The following SLC25A48 variants were observed in gnomAD, a reference collection of about 807,000 sequenced individuals.
SLC25A48 encodes solute carrier family 25 member 48.
In SLC25A48, 29 loss-of-function variants were observed where a neutral mutation model predicts 32.2. That is an observed-to-expected ratio of 0.90 (90% CI 0.67 to 1.23). The LOEUF (loss-of-function observed/expected upper bound fraction) is 1.23, where lower values mean the gene tolerates loss of function less well. Ranked by LOEUF, SLC25A48 falls within the 50% of genes most tolerant of loss-of-function variation. SLC25A48 has a pLI of 0.00. For missense variants in SLC25A48, 399 were observed against 422.7 expected, an observed-to-expected ratio of 0.94 and a Z score of 0.49; for synonymous variants, 164 against 172.3, an observed-to-expected ratio of 0.95 and a Z score of 0.38.
intron 3 of SLC25A48, among the ~76,000 whole-genome samples, chr5:135,646,938 A>G (rs1038999982): frequency 6.6e-6 from 1 of 151,706 alleles, no homozygotes; most frequent in African/African-American, 2.4e-5. Flanking sequence ...TTGAAATATT[A>G]TATTATATGA....
In SLC25A48 at chr5:135,871,486, A is replaced by C. The variant is rs1469244538; in HGVS notation, c.447A>C (p.Ala149=). 3 of 1,602,020 alleles carry C rather than the reference A, an allele frequency of 1.9e-6. No individual in the cohort carries two copies. In the East Asian group the frequency reaches 6.7e-5, roughly 36 times the overall value. The part of the protein sequence containing the change: ...RDANLGLKSR[A]VAPAEQPAYQ... ...CCAACCTCGGTTTGAAGTCCAGGGC[A>C]GTGGCTCCTGCGGAGCAGCCAGCAT... Residue 149 remains alanine (A), a synonymous_variant, in exon 5 of 8, where the codon GCA becomes GCC. Coordinates refer to ENST00000681962, the MANE Select transcript of SLC25A48 (RefSeq NM_001349336.2).
chr5:135,883,018 G>A, intron 7 of SLC25A48: 1 of 984,956 alleles, frequency 1.0e-6, no homozygotes, highest in Non-Finnish European at 1.2e-6. Flanking sequence ...AAGATTTCAA[G>A]ACTCCCGTTA....
At chr5:135,742,272 G>A (rs1188011920) in intron 3 of SLC25A48, among the ~76,000 whole-genome samples, 1 of 152,172 alleles carries the variant, frequency 6.6e-6, no homozygotes, top group Non-Finnish European at 1.5e-5. Flanking sequence ...GTAGAGACAG[G>A]ATTTTGCCAT....
At chr5:135,748,419 C>A (rs1755693053) in intron 3 of SLC25A48, among the ~76,000 whole-genome samples, 1 of 151,754 alleles carries the variant, frequency 6.6e-6, no homozygotes, top group East Asian at 2.0e-4. Context: ...GACTCAGGTG[C>A]CTGCCACCAC....
At chr5:135,683,920 G>A (rs1561789346) in intron 3 of SLC25A48, among the ~76,000 whole-genome samples, 1 of 152,084 alleles carries the variant, frequency 6.6e-6, no homozygotes, top group Non-Finnish European at 1.5e-5. Flanking sequence ...AGTGTCAGCA[G>A]GCCATGTGGT....
chr5:135,774,511 A>G (rs573826386), intron 3 of SLC25A48, among the ~76,000 whole-genome samples: 1 of 151,696 alleles, frequency 6.6e-6, no homozygotes, highest in Admixed American at 6.6e-5. Context: ...GGGCATGCAC[A>G]TGCCCCCTGT....
intron 4 of SLC25A48, among the ~76,000 whole-genome samples, chr5:135,853,162 A>G (rs1760033325): frequency 6.6e-6 from 1 of 152,230 alleles, no homozygotes; most frequent in African/African-American, 2.4e-5. Context: ...AATTATTGAC[A>G]ATTATCTGAG....
intron 3 of SLC25A48, among the ~76,000 whole-genome samples, chr5:135,760,117 C>T (rs1326813960): frequency 6.6e-6 from 1 of 152,164 alleles, no homozygotes; most frequent in Non-Finnish European, 1.5e-5. Context: ...AGCTGTGAGC[C>T]ACCGCGCCCG....
intron 4 of SLC25A48, chr5:135,825,941 A>G (rs4976479): frequency 0.36 from 54,613 of 152,038 alleles, 9,885 homozygotes; most frequent in Middle Eastern, 0.45. Context: ...GCTGACTGCA[A>G]CAGAAACCAC....
intron 4 of SLC25A48, among the ~76,000 whole-genome samples, chr5:135,856,575 G>C (rs1220657051): frequency 1.3e-5 from 2 of 152,246 alleles, no homozygotes; most frequent in Non-Finnish European, 2.9e-5. Context: ...CCCCAAGGCT[G>C]TGTGTCACAT....
At chr5:135,802,911 A>G (rs1426339016) in intron 3 of SLC25A48, 1 of 151,566 alleles carries the variant, frequency 6.6e-6, no homozygotes, top group Non-Finnish European at 1.5e-5. Context: ...ATTACTCCTA[A>G]TATCACAGTG....
chr5:135,631,332 G>A (rs1306900559), intron 2 of SLC25A48, among the ~76,000 whole-genome samples: 1 of 152,182 alleles, frequency 6.6e-6, no homozygotes, highest in Non-Finnish European at 1.5e-5. Flanking sequence ...GGACTGATGT[G>A]TTTCCTGGGA....
intron 3 of SLC25A48, among the ~76,000 whole-genome samples, chr5:135,693,152 T>A (rs1754183958): frequency 6.6e-6 from 1 of 152,260 alleles, no homozygotes; most frequent in African/African-American, 2.4e-5. Flanking sequence ...TTTTTAAAAA[T>A]TTAAACTGTC....
In SLC25A48 at chr5:135,880,022, G is replaced by C; in HGVS notation, c.868G>C (p.Ala290Pro). ...NAVRGFPMSA[A>P]MFLGYELSLQ... The stretch of plus-strand genomic sequence containing the variant: ...GGTGCGGGGCTTCCCCATGAGTGCG[G>C]CCATGTTCCTTGGGTACGAGCTGTC... The change falls in exon 7 of 8, where the codon GCC becomes CCC. Residue 290 changes from alanine to proline, a missense_variant. Ala to Pro is a conservative substitution (Grantham distance 27, BLOSUM62 -1). Transcript: ENST00000681962. 6.5e-7 allele frequency: 1 copy of C among 1,536,338 alleles called. No homozygotes were observed. The highest frequency in any genetic ancestry group is 8.7e-7 in the Non-Finnish European group (1 of 1,146,960).
chr5:135,660,444 C>T (rs1753370695), intron 3 of SLC25A48, among the ~76,000 whole-genome samples: 1 of 152,180 alleles, frequency 6.6e-6, no homozygotes, highest in Non-Finnish European at 1.5e-5. Flanking sequence ...CTTTATTCCT[C>T]ACTAGTGTCC....
intron 3 of SLC25A48, among the ~76,000 whole-genome samples, chr5:135,730,774 C>A (rs1755202895): frequency 6.6e-6 from 1 of 152,120 alleles, no homozygotes; most frequent in Admixed American, 6.5e-5. Flanking sequence ...ACAAGAAATC[C>A]AGGCTGAGGT....
At chr5:135,618,523 T>A (rs1752242312) in intron 1 of SLC25A48, among the ~76,000 whole-genome samples, 1 of 152,142 alleles carries the variant, frequency 6.6e-6, no homozygotes, top group African/African-American at 2.4e-5. Context: ...ATCATTGTGG[T>A]TTGATGGTGT....
At chr5:135,750,703 G>A (rs1755750462) in intron 3 of SLC25A48, among the ~76,000 whole-genome samples, 1 of 152,104 alleles carries the variant, frequency 6.6e-6, no homozygotes, top group African/African-American at 2.4e-5. Flanking sequence ...GCCCCCAGGT[G>A]GTAGACTGGT....
At chr5:135,612,366 A>G (rs543160429) in intron 1 of SLC25A48, among the ~76,000 whole-genome samples, 11 of 152,130 alleles carry the variant, frequency 7.2e-5, no homozygotes, top group Non-Finnish European at 1.0e-4. Context: ...CGTCTTGAGG[A>G]TTTATCATTT....
Sources: allele counts gnomAD v4.1 joint callset (sites outside exome capture counted in the v4.1 genomes callset), GRCh38; gene constraint gnomAD v4.1.1; transcripts MANE v1.5; gene names NCBI Gene and HGNC (gene_info 2026-07-23, HGNC 2026-07-21).